CSDE1: variants seen among roughly 807,000 people sequenced by gnomAD.
CSDE1 encodes cold shock domain-containing protein E1.
A neutral mutation model predicts 89.3 loss-of-function variants in CSDE1; 17 were observed. That is an observed-to-expected ratio of 0.19 (90% CI 0.13 to 0.29). The LOEUF (loss-of-function observed/expected upper bound fraction) is 0.29, where lower values mean the gene tolerates loss of function less well. CSDE1 is among the 10% of genes least tolerant of loss of function. The pLI is 1.00. For synonymous variants in CSDE1, 322 were observed against 332.8 expected (o/e 0.97, Z 0.35); for missense variants, 672 against 984.2 (o/e 0.68, Z 4.24).
At position 114,744,478 on chromosome 1, in the gene CSDE1, C is replaced by T. The variant is rs369484125; in HGVS notation, c.1-4588G>A. On this transcript the variant is annotated intron_variant, in intron 2 of 19. Coordinates refer to ENST00000358528, the MANE Select transcript of CSDE1 (RefSeq NM_001007553.3). Reference sequence around the variant, plus strand: ...CCTATAGTTCCAGCTACTCAAGAGGCTGGGGTGGGAGGTTCACCAGAGCCT... The same window carrying T: ...CCTATAGTTCCAGCTACTCAAGAGGTTGGGGTGGGAGGTTCACCAGAGCCT... Among the ~76,000 whole-genome samples, 24 of 152,108 alleles carry T rather than the reference C, an allele frequency of 1.6e-4. No homozygotes were observed. In the East Asian group the frequency reaches 4.1e-3, roughly 26 times the overall value.
rs1659254437 is a variant in CSDE1 at position 114,717,554 on chromosome 1, A to G, written c.*615T>C. On this transcript the variant is annotated 3_prime_UTR_variant, in exon 20 of 20. Transcript: ENST00000358528. ...GGAAGAAAATTTTCACTGAAATATA[A>G]CCAAACTTCTTTAAGTGGATTGTGA... 6.6e-6 allele frequency: 1 copy of G among 152,640 alleles called. No homozygotes were observed. The highest frequency in any genetic ancestry group is 2.1e-4 in the South Asian group (1 of 4,832). 9.5% of individuals were successfully genotyped at this position (152,640 alleles called of 1,614,324 possible).
chr1:114,723,656 G>A lies in CSDE1; in HGVS notation c.1873+227C>T, dbSNP rs1039926840. Among the ~76,000 whole-genome samples the A allele has an allele frequency of 3.9e-5, 6 of 152,300 alleles. No homozygotes were observed. The South Asian group carries it at 8.3e-4, about 21-fold the overall frequency. On this transcript the variant is annotated intron_variant, in intron 16 of 19. Transcript: ENST00000358528. ...CTCAATATAACTCATAGTTGCTCAT[G>A]TATCAGTCATGTGCTCACAAAGCAG...
intron 2 of CSDE1, among the ~76,000 whole-genome samples, chr1:114,745,637 G>C (rs1259072891): frequency 2.0e-5 from 3 of 152,104 alleles, no homozygotes; most frequent in Non-Finnish European, 4.4e-5. Flanking sequence ...ATTATTTTAG[G>C]TTCTACTCAT....
intron 2 of CSDE1, among the ~76,000 whole-genome samples, chr1:114,744,006 T>C (rs1251595997): frequency 6.6e-6 from 1 of 152,258 alleles, no homozygotes; most frequent in African/African-American, 2.4e-5. Flanking sequence ...TTAATGGCAT[T>C]GCAAATATTT....
chr1:114,719,120 T>C (rs2101003938), intron 18 of CSDE1, among the ~76,000 whole-genome samples: 1 of 152,268 alleles, frequency 6.6e-6, no homozygotes, highest in East Asian at 1.9e-4. Context: ...GAGATCAGCC[T>C]GGGCAAAACA....
In CSDE1 at chr1:114,716,959, T is replaced by C. The variant is rs6694035; in HGVS notation, c.*1210A>G. 1,269 of 152,800 alleles carry C rather than the reference T, an allele frequency of 8.3e-3. 7 individuals are homozygous for C. The highest frequency in any genetic ancestry group is 0.014 in the Non-Finnish European group (972 of 68,056). The allele number at this position is 152,800 out of a possible 1,614,324, so 9.5% of individuals were successfully genotyped here. On this transcript the variant is annotated 3_prime_UTR_variant, in exon 20 of 20. Coordinates refer to ENST00000358528, the MANE Select transcript of CSDE1 (RefSeq NM_001007553.3). ...TAAAACTTTATTCGCTTCCATTCTTTCGCCATTAACAGAAAACTGGAGAAA... is the reference window on the plus strand; with the variant it reads ...TAAAACTTTATTCGCTTCCATTCTTCCGCCATTAACAGAAAACTGGAGAAA...
rs773455514 is a variant in CSDE1 at position 114,718,691 on chromosome 1, C to T, written c.2271G>A (p.Leu757=). 22 of 1,614,210 alleles carry T rather than the reference C, an allele frequency of 1.4e-5. No individual in the cohort carries two copies. Among genetic ancestry groups the T allele is most frequent in the Non-Finnish European group, 1.9e-5 (22 of 1,180,044 alleles). Residue 757 remains leucine (L), a synonymous_variant, in exon 19 of 20, where the codon TTG becomes TTA. Coordinates refer to ENST00000358528, the MANE Select transcript of CSDE1 (RefSeq NM_001007553.3). ...TGGCATCATCCAGAGTGATATTCTT[C>T]AAGCGATTGACCAACCGATCAGGTC... The part of the protein sequence containing the change: ...APRPDRLVNR[L]KNITLDDASA...
In CSDE1 at chr1:114,750,161, T is replaced by C. The variant is rs978157790; in HGVS notation, c.-341A>G. The C allele has an allele frequency of 6.6e-6, 1 of 152,666 alleles. No homozygotes were observed. The highest frequency in any genetic ancestry group is 2.4e-5 in the African/African-American group (1 of 41,456). The allele number at this position is 152,666 out of a possible 1,614,324, so 9.5% of individuals were successfully genotyped here. On this transcript the variant is annotated 5_prime_UTR_variant, in exon 2 of 20. Coordinates refer to ENST00000358528, the MANE Select transcript of CSDE1 (RefSeq NM_001007553.3). ...GTTTGTTCCTTGCCTGATCTGAACT[T>C]GAAGCAGCAGTTTCAGGTGGTAAAG...
At chr1:114,753,104 T>C (rs1056403166) in intron 1 of CSDE1, among the ~76,000 whole-genome samples, 5 of 152,172 alleles carry the variant, frequency 3.3e-5, no homozygotes, top group Admixed American at 2.0e-4. Context: ...CTTTAAAAAA[T>C]ACAGACTGTG....
Position 114,717,898 on chromosome 1 carries a change from TA to T in CSDE1, c.*270del, listed in dbSNP as rs1473929535. ...TGGATTCTGCAATTACCAGTTGCGTTAAATGCACCAAATAAAGCTCCTAAAA... is the reference window on the plus strand; with the variant it reads ...TGGATTCTGCAATTACCAGTTGCGTTAATGCACCAAATAAAGCTCCTAAAA... On this transcript the variant is annotated 3_prime_UTR_variant, in exon 20 of 20. Transcript: ENST00000358528. 2.3e-6 allele frequency: 1 copy of T among 432,256 alleles called. No individual in the cohort carries two copies. The highest frequency in any genetic ancestry group is 2.0e-5 in the African/African-American group (1 of 49,470). The allele number at this position is 432,256 out of a possible 1,614,324, so 26.8% of individuals were successfully genotyped here.
chr1:114,728,042 A>C (rs1030779537), intron 12 of CSDE1, among the ~76,000 whole-genome samples: 1 of 152,190 alleles, frequency 6.6e-6, no homozygotes, highest in Admixed American at 6.5e-5. Context: ...CTCTTCTACC[A>C]ATCACATTCC....
chr1:114,721,762 T>G (rs1659536579), intron 16 of CSDE1, among the ~76,000 whole-genome samples: 1 of 152,120 alleles, frequency 6.6e-6, no homozygotes, highest in Non-Finnish European at 1.5e-5. Flanking sequence ...ATTTTTGCAT[T>G]TTTTGTAGAG....
intron 4 of CSDE1, 69 bp from the exon 5 acceptor site, chr1:114,737,632 G>C (rs1312266379): frequency 8.6e-7 from 1 of 1,160,120 alleles, no homozygotes; most frequent in Admixed American, 1.9e-5. Context: ...AATATAAACT[G>C]AATTTTAATA....
intron 14 of CSDE1, among the ~76,000 whole-genome samples, chr1:114,725,893 C>A (rs1659765780): frequency 6.6e-6 from 1 of 152,214 alleles, no homozygotes. Flanking sequence ...GCCTCAGCCC[C>A]CAAAGTGCTG....
chr1:114,753,477 G>C (rs1661415234), intron 1 of CSDE1, among the ~76,000 whole-genome samples: 1 of 152,156 alleles, frequency 6.6e-6, no homozygotes, highest in Non-Finnish European at 1.5e-5. Flanking sequence ...TAAAGGTATT[G>C]GTCAGGCAGT....
intron 14 of CSDE1, 48 bp downstream of exon 14, chr1:114,726,163 A>G: frequency 6.5e-7 from 1 of 1,528,474 alleles, no homozygotes; most frequent in Non-Finnish European, 8.8e-7. Context: ...CCAACACCAA[A>G]GAATGGATGG....
chr1:114,739,929 A>G, intron 2 of CSDE1, 39 bp from the exon 3 acceptor site: 3 of 1,511,136 alleles, frequency 2.0e-6, no homozygotes, highest in Non-Finnish European at 9.2e-7. Context: ...ATATCTGTAC[A>G]TTATCTCCAT....
intron 7 of CSDE1, 112 bp downstream of exon 7, chr1:114,734,330 A>G (rs1354460387): frequency 9.0e-7 from 1 of 1,116,496 alleles, no homozygotes; most frequent in Non-Finnish European, 1.3e-6. Flanking sequence ...TTAACAGTGA[A>G]ATATTTTAAA....
chr1:114,745,662 AACAG>A (rs1317542805), intron 2 of CSDE1, among the ~76,000 whole-genome samples: 1 of 152,236 alleles, frequency 6.6e-6, no homozygotes, highest in Non-Finnish European at 1.5e-5. Context: ...TAGGTAACAC[AACAG>A]ACAAATATCT....
Sources: allele counts gnomAD v4.1 joint callset (sites outside exome capture counted in the v4.1 genomes callset), GRCh38; gene constraint gnomAD v4.1.1; transcripts MANE v1.5; gene names NCBI Gene and HGNC (gene_info 2026-07-23, HGNC 2026-07-21).